The following HELZ variants were observed in gnomAD, a reference collection of about 807,000 sequenced individuals.
HELZ encodes helicase with zinc finger, also known as ATP-dependent RNA helicase with zinc finger domain.
In HELZ, 23 loss-of-function variants were observed where a neutral mutation model predicts 218.2. The observed-to-expected ratio is 0.11, with a 90% CI of 0.08 to 0.15. The LOEUF is 0.15. HELZ is among the 10% of genes least tolerant of loss of function. The probability of loss-of-function intolerance (pLI) is 1.00; values close to 1 mark genes in which losing one functional copy is unlikely to be tolerated. For missense variants in HELZ, 1,813 were observed against 2,353.7 expected, an observed-to-expected ratio of 0.77 and a Z score of 4.75; for synonymous variants, 814 against 829.4, an observed-to-expected ratio of 0.98 and a Z score of 0.32.
chr17:67,232,189 G>T (rs1598471857), intron 3 of HELZ, among the ~76,000 whole-genome samples: 1 of 151,294 alleles, frequency 6.6e-6, no homozygotes, highest in East Asian at 1.9e-4. Context: ...TGTCACCCAG[G>T]CTAGAGTGCA....
chr17:67,230,503 A>C (rs1297553362), intron 3 of HELZ, among the ~76,000 whole-genome samples: 1 of 148,990 alleles, frequency 6.7e-6, no homozygotes, highest in Non-Finnish European at 1.5e-5. Flanking sequence ...AAGCTGAGGC[A>C]GGAGAATCGC....
At chr17:67,193,360 AAAAG>A (rs1280357508) in intron 9 of HELZ, among the ~76,000 whole-genome samples, 3 of 151,552 alleles carry the variant, frequency 2.0e-5, no homozygotes, top group African/African-American at 7.3e-5. Context: ...AAAAAAAAAA[AAAAG>A]AAAAGAAAAA....
chr17:67,229,080 C>A (rs1054695111), intron 3 of HELZ, among the ~76,000 whole-genome samples: 1 of 152,182 alleles, frequency 6.6e-6, no homozygotes, highest in Non-Finnish European at 1.5e-5. Flanking sequence ...GCCCCTTTCC[C>A]CACTGAGCAG....
intron 17 of HELZ, 75 bp downstream of exon 17, chr17:67,160,186 A>G: frequency 1.1e-6 from 1 of 897,264 alleles, no homozygotes; most frequent in Non-Finnish European, 1.8e-6. Flanking sequence ...CAAAGTTACT[A>G]AAATCTTTAC....
At chr17:67,245,560 G>C (rs1444387328), upstream of HELZ, 1 of 977,016 alleles carries the variant, frequency 1.0e-6, no homozygotes, top group Non-Finnish European at 1.2e-6. Context: ...AGCTGCTCGC[G>C]GATTTATTTG....
At position 67,194,048 on chromosome 17, in the gene HELZ, G is replaced by A; in HGVS notation, c.482-6C>T. 1 of 1,598,808 alleles carries A rather than the reference G, an allele frequency of 6.3e-7. No homozygotes were observed. ...ATGCCAACCATTACAAGACCCTAGG[G>A]AGTAATTAGGATATAGTCTTATCAT... is the stretch of plus-strand genomic sequence containing the variant. On this transcript the variant is annotated splice_polypyrimidine_tract_variant and splice_region_variant and intron_variant, in intron 8 of 32. Transcript: ENST00000358691.
chr17:67,224,582 GATC>G (rs996952133), intron 3 of HELZ: 28 of 461,638 alleles, frequency 6.1e-5, no homozygotes, highest in Middle Eastern at 6.5e-4. Context: ...TAATAACAAT[GATC>G]ATGTTATTTA....
intron 17 of HELZ, among the ~76,000 whole-genome samples, chr17:67,157,524 T>C (rs185553725): frequency 2.3e-4 from 35 of 152,352 alleles, no homozygotes; most frequent in African/African-American, 8.2e-4. Context: ...TAAAAGATTA[T>C]TTAAAACACA....
At chr17:67,085,794 A>T (rs1319406004) in intron 32 of HELZ, among the ~76,000 whole-genome samples, 1 of 152,242 alleles carries the variant, frequency 6.6e-6, no homozygotes, top group Non-Finnish European at 1.5e-5. Flanking sequence ...TTCAAGCAGT[A>T]TAATTAGTTT....
intron 6 of HELZ, among the ~76,000 whole-genome samples, chr17:67,202,596 CACAT>C (rs1287083309): frequency 3.9e-5 from 6 of 152,164 alleles, no homozygotes; most frequent in African/African-American, 1.4e-4. Flanking sequence ...ATTACTTACA[CACAT>C]ACAAACAGAA....
intron 32 of HELZ, among the ~76,000 whole-genome samples, chr17:67,086,001 T>C (rs720059): frequency 0.65 from 98,296 of 151,952 alleles, 32,626 homozygotes; most frequent in East Asian, 0.88. Context: ...ACAAGGATTC[T>C]TAAATCTCAA....
chr17:67,121,270 T>C (rs2037600990), intron 26 of HELZ, among the ~76,000 whole-genome samples: 1 of 152,256 alleles, frequency 6.6e-6, no homozygotes, highest in South Asian at 2.1e-4. Flanking sequence ...CTACTGCTCC[T>C]ATTATTTTAT....
rs576392487 is a variant in HELZ at position 67,197,221 on chromosome 17, G to A, written c.430-1751C>T. Reference sequence around the variant, plus strand: ...TGATAACATCTAATGGTTTTATAAGGGGAAACCCCTTTCACTTGACTCTCA... The same window carrying A: ...TGATAACATCTAATGGTTTTATAAGAGGAAACCCCTTTCACTTGACTCTCA... On this transcript the variant is annotated intron_variant, in intron 7 of 32. Transcript: ENST00000358691. 5.5e-4 allele frequency among the ~76,000 whole-genome samples: 83 copies of A among 152,118 alleles called. 1 individual carries two copies. In the South Asian group the frequency reaches 0.016, roughly 29 times the overall value.
intron 31 of HELZ, among the ~76,000 whole-genome samples, chr17:67,093,215 C>G (rs1163418094): frequency 6.6e-6 from 1 of 152,070 alleles, no homozygotes; most frequent in Non-Finnish European, 1.5e-5. Flanking sequence ...GGAAAAAGCT[C>G]AGAATAAAGA....
At chr17:67,122,940 C>A in intron 26 of HELZ, 30 bp downstream of exon 26, 1 of 1,481,924 alleles carries the variant, frequency 6.7e-7, no homozygotes, top group South Asian at 1.2e-5. Context: ...TTACTTGATT[C>A]AATAGAAAGT....
chr17:67,208,205 T>C (rs1232952408), intron 5 of HELZ, among the ~76,000 whole-genome samples: 1 of 152,010 alleles, frequency 6.6e-6, no homozygotes, highest in Non-Finnish European at 1.5e-5. Context: ...TCTAAAGGAA[T>C]AGTACATTTC....
chr17:67,123,130 T>C lies in HELZ; in HGVS notation c.3470A>G (p.Asn1157Ser), dbSNP rs1221962756. The change falls in exon 26 of 33, where the codon AAT becomes AGT. Residue 1157 changes from asparagine (N) to serine (S), a missense_variant. Asn to Ser is a conservative substitution (Grantham distance 46). Coordinates refer to ENST00000358691, the MANE Select transcript of HELZ (RefSeq NM_014877.4). ...VQPNPSVLIG[N>S]PIRAYTPPPP... ...TGGAGGAGTATATGCTCTAATAGGA[T>C]TGCCAATAAGTACAGAAGGATTGGG... is the stretch of plus-strand genomic sequence containing the variant. The C allele has an allele frequency of 6.2e-7, 1 of 1,613,454 alleles. No individual in the cohort carries two copies. The highest frequency in any genetic ancestry group is 1.1e-5 in the South Asian group (1 of 91,006).
intron 3 of HELZ, among the ~76,000 whole-genome samples, chr17:67,223,522 G>A (rs1025059518): frequency 3.9e-5 from 6 of 152,048 alleles, no homozygotes; most frequent in Non-Finnish European, 5.9e-5. Flanking sequence ...AGGCTGAGGC[G>A]GACAGATCAC....
chr17:67,089,714 G>GAGAC (rs1567790783), intron 31 of HELZ, among the ~76,000 whole-genome samples: 53 of 140,230 alleles, frequency 3.8e-4, no homozygotes, highest in Admixed American at 1.4e-3. Flanking sequence ...GAGAGACAGA[G>GAGAC]AGAGAGACAG....
Sources: allele counts gnomAD v4.1 joint callset (sites outside exome capture counted in the v4.1 genomes callset), GRCh38; gene constraint gnomAD v4.1.1; transcripts MANE v1.5; gene names NCBI Gene and HGNC (gene_info 2026-07-23, HGNC 2026-07-21).